The following HDAC9 variants were observed in gnomAD, a reference collection of about 807,000 sequenced individuals.
HDAC9 encodes MEF-2 interacting transcription repressor (MITR) protein.
Under a neutral mutation model 139.4 loss-of-function variants are expected in HDAC9, and 41 were observed. The observed-to-expected ratio is 0.29, with a 90% CI of 0.23 to 0.38. The LOEUF (loss-of-function observed/expected upper bound fraction) is 0.38, where lower values mean the gene tolerates loss of function less well. Ranked by LOEUF, HDAC9 falls within the 10% of genes least tolerant of loss-of-function variation. HDAC9 has a pLI of 1.00. For missense variants in HDAC9, 1,147 were observed against 1,297.0 expected, an observed-to-expected ratio of 0.88 and a Z score of 1.78; for synonymous variants, 517 against 476.2, an observed-to-expected ratio of 1.09 and a Z score of -1.12.
chr7:18,146,640 T>A (rs538271117), intron 1 of HDAC9, among the ~76,000 whole-genome samples: 35 of 152,340 alleles, frequency 2.3e-4, no homozygotes, highest in African/African-American at 8.2e-4. Flanking sequence ...TTTTAACTTT[T>A]ATTTGTGTCA....
intron 2 of HDAC9, among the ~76,000 whole-genome samples, chr7:18,272,481 T>G (rs1796415679): frequency 6.6e-6 from 1 of 152,104 alleles, no homozygotes; most frequent in Non-Finnish European, 1.5e-5. Context: ...GACCACTAAA[T>G]TTAAAATGTT....
chr7:18,954,405 A>G, intron 24 of HDAC9, 175 bp downstream of exon 24: 1 of 533,832 alleles, frequency 1.9e-6, no homozygotes, highest in Non-Finnish European at 3.2e-6. Flanking sequence ...TACACTGATG[A>G]CAAAACGTAG....
chr7:18,663,956 G>C (rs1170276811), intron 11 of HDAC9, among the ~76,000 whole-genome samples: 3 of 152,068 alleles, frequency 2.0e-5, no homozygotes, highest in Non-Finnish European at 4.4e-5. Context: ...TTGTTACCCA[G>C]TGTCCTTATT....
chr7:18,242,380 A>G (rs1946578), intron 2 of HDAC9, among the ~76,000 whole-genome samples: 114,163 of 152,068 alleles, frequency 0.75, 42,982 homozygotes, highest in South Asian at 0.86. Context: ...GAAGAAACAG[A>G]AGTCCGATTG....
rs145874889 is a variant in HDAC9 at position 18,626,383 on chromosome 7, G to T, written c.665-2967G>T. ...CCAACCAGCAAAGAACTAGAGTGTTGCAGCTCCAGGATTCAGCCCCCATGG... is the reference window on the plus strand; with the variant it reads ...CCAACCAGCAAAGAACTAGAGTGTTTCAGCTCCAGGATTCAGCCCCCATGG... On this transcript the variant is annotated intron_variant, in intron 6 of 25. Coordinates refer to ENST00000686413, the MANE Select transcript of HDAC9 (RefSeq NM_178425.4). Among the ~76,000 whole-genome samples the T allele has an allele frequency of 6.0e-3, 913 of 152,282 alleles. 13 individuals are homozygous for T. Among genetic ancestry groups the T allele is most frequent in the African/African-American group, 0.021 (887 of 41,568 alleles).
chr7:18,197,145 C>T (rs187359211), intron 2 of HDAC9, among the ~76,000 whole-genome samples: 34 of 152,286 alleles, frequency 2.2e-4, no homozygotes, highest in Non-Finnish European at 4.1e-4. Context: ...CAGTAGCCTT[C>T]TGGCTTCTGA....
intron 21 of HDAC9, among the ~76,000 whole-genome samples, chr7:18,870,134 A>G (rs1563006940): frequency 6.6e-6 from 1 of 152,162 alleles, no homozygotes; most frequent in Admixed American, 6.6e-5. Context: ...TAATCATAGT[A>G]TAGTTATCAA....
intron 1 of HDAC9, among the ~76,000 whole-genome samples, chr7:18,420,511 C>T (rs998801721): frequency 1.3e-5 from 2 of 152,108 alleles, no homozygotes; most frequent in African/African-American, 4.8e-5. Flanking sequence ...ACTTCAGTTT[C>T]TTCTTGATAA....
intron 1 of HDAC9, among the ~76,000 whole-genome samples, chr7:18,336,018 T>C (rs1374937457): frequency 6.6e-6 from 1 of 151,660 alleles, no homozygotes; most frequent in Admixed American, 6.6e-5. Flanking sequence ...AAATATTTAG[T>C]TTAGAGCAAT....
At chr7:18,594,973 T>A (rs1466927952) in intron 6 of HDAC9, among the ~76,000 whole-genome samples, 2 of 152,048 alleles carry the variant, frequency 1.3e-5, no homozygotes, top group Non-Finnish European at 1.5e-5. Flanking sequence ...AGAGTGAAAA[T>A]GATTTCAAAT....
intron 1 of HDAC9, among the ~76,000 whole-genome samples, chr7:18,097,792 G>T (rs1017770713): frequency 6.6e-6 from 1 of 152,086 alleles, no homozygotes; most frequent in South Asian, 2.1e-4. Flanking sequence ...GACCAGGCTG[G>T]TCTTGAACTT....
At chr7:18,214,216 A>G (rs1462752507) in intron 2 of HDAC9, among the ~76,000 whole-genome samples, 1 of 152,128 alleles carries the variant, frequency 6.6e-6, no homozygotes, top group East Asian at 1.9e-4. Flanking sequence ...TATCACTAGA[A>G]TGATGATTAT....
chr7:18,128,636 A>C (rs991693461), intron 1 of HDAC9, among the ~76,000 whole-genome samples: 4 of 152,102 alleles, frequency 2.6e-5, no homozygotes, highest in East Asian at 1.9e-4. Context: ...CTGTTCCCCA[A>C]GGTCTCTGCA....
In HDAC9 at chr7:18,582,883, G is replaced by A. The variant is rs113479161; in HGVS notation, c.23-2398G>A. Among the ~76,000 whole-genome samples, 509 of 152,100 alleles carry A rather than the reference G, an allele frequency of 3.3e-3. 4 individuals carry two copies. The highest frequency in any genetic ancestry group is 0.012 in the African/African-American group (485 of 41,520). On this transcript the variant is annotated intron_variant, in intron 2 of 25. Transcript: ENST00000686413. ...ACAGCTCCACTTGCCATAAATAATC[G>A]TCTCTTTGGTCATACGCTTAGCCTA...
At chr7:18,242,231 G>A (rs1413225293) in intron 2 of HDAC9, among the ~76,000 whole-genome samples, 1 of 152,134 alleles carries the variant, frequency 6.6e-6, no homozygotes, top group Non-Finnish European at 1.5e-5. Context: ...CCAACTCCTT[G>A]TATATGTAAG....
At position 18,586,614 on chromosome 7, in the gene HDAC9, C is replaced by A. The variant is rs114704085; in HGVS notation, c.264+1092C>A. ...GTTTCTAAGGAAGTAAAAATGCTAT[C>A]TTCTTCTCTATATTACTTGGTTTAC... On this transcript the variant is annotated intron_variant, in intron 3 of 25. Coordinates refer to ENST00000686413, the MANE Select transcript of HDAC9 (RefSeq NM_178425.4). Among the ~76,000 whole-genome samples, 385 of 145,462 alleles carry A rather than the reference C, an allele frequency of 2.6e-3. 2 individuals carry two copies. The highest frequency in any genetic ancestry group is 0.01 in the African/African-American group (365 of 35,284).
intron 11 of HDAC9, among the ~76,000 whole-genome samples, chr7:18,662,852 T>C (rs1400587768): frequency 6.6e-6 from 1 of 152,012 alleles, no homozygotes; most frequent in Non-Finnish European, 1.5e-5. Context: ...AGTCATGAAT[T>C]TGGAGAACAC....
At chr7:18,374,259 A>G (rs1284641758) in intron 1 of HDAC9, among the ~76,000 whole-genome samples, 1 of 151,778 alleles carries the variant, frequency 6.6e-6, no homozygotes, top group Non-Finnish European at 1.5e-5. Flanking sequence ...AGTTATATAT[A>G]TATGTAGTGT....
intron 6 of HDAC9, among the ~76,000 whole-genome samples, chr7:18,598,132 C>T (rs536277734): frequency 3.9e-5 from 6 of 152,100 alleles, no homozygotes; most frequent in Non-Finnish European, 1.5e-5. Flanking sequence ...AATATCTCTT[C>T]CTCTCTCTCT....
Sources: allele counts gnomAD v4.1 joint callset (sites outside exome capture counted in the v4.1 genomes callset), GRCh38; gene constraint gnomAD v4.1.1; transcripts MANE v1.5; gene names NCBI Gene and HGNC (gene_info 2026-07-23, HGNC 2026-07-21).